SLC35D1: variants seen among roughly 807,000 people sequenced by gnomAD.
SLC35D1 encodes the protein nucleotide sugar transporter SLC35D1.
Under a neutral mutation model 46.7 loss-of-function variants are expected in SLC35D1, and 31 were observed. The ratio of observed to expected loss-of-function variants is 0.66; its 90% CI spans 0.50 to 0.90. The LOEUF (loss-of-function observed/expected upper bound fraction) is 0.90. Among genes scored for constraint, SLC35D1 ranks in the 40% least tolerant of loss-of-function variants. SLC35D1 has a pLI of 0.00. For missense variants in SLC35D1, 397 were observed against 426.2 expected (o/e 0.93, Z 0.60); for synonymous variants, 195 against 164.6 (o/e 1.18, Z -1.41).
intron 8 of SLC35D1, among the ~76,000 whole-genome samples, chr1:67,030,045 C>T (rs12091194): frequency 0.19 from 29,410 of 151,108 alleles, 5,299 homozygotes; most frequent in African/African-American, 0.49. Context: ...CAAGGCATAA[C>T]CCAGTAAGCC....
intron 8 of SLC35D1, chr1:67,032,055 C>G (rs796838019): frequency 1.0e-6 from 1 of 985,272 alleles, no homozygotes; most frequent in African/African-American, 1.7e-5. Flanking sequence ...CAGAACTAAA[C>G]AGGCTCTCTG....
At chr1:66,975,648 A>G in the SLC35D1 span, among the ~76,000 whole-genome samples, 1 of 152,338 alleles carries the variant, frequency 6.6e-6, no homozygotes, top group South Asian at 2.1e-4. Context: ...GCTAAGTAAC[A>G]AAAAGGAATT....
intron 8 of SLC35D1, 87 bp from the exon 9 acceptor site, chr1:67,021,689 CCTCCAA>C (rs199881087): frequency 1.7e-5 from 10 of 590,510 alleles, no homozygotes; most frequent in Admixed American, 1.1e-4. Context: ...TACGAGTCTG[CCTCCAA>C]CACAGACACA....
intron 1 of SLC35D1, among the ~76,000 whole-genome samples, chr1:67,053,436 C>T (rs1317746082): frequency 6.6e-6 from 1 of 152,188 alleles, no homozygotes; most frequent in African/African-American, 2.4e-5. Flanking sequence ...GTCCAGGCTG[C>T]GGAGGAGGGA....
chr1:67,039,521 G>GTGTGTGTGTGCA (rs56093986), intron 8 of SLC35D1, among the ~76,000 whole-genome samples: 6 of 150,930 alleles, frequency 4.0e-5, no homozygotes, highest in South Asian at 2.1e-4. Context: ...GTGTGTGTGT[G>GTGTGTGTGTGCA]CGCGCGTGGG....
the SLC35D1 span, chr1:66,985,167 GTTCA>G: frequency 9.9e-7 from 1 of 1,007,036 alleles, no homozygotes. Flanking sequence ...AATATCTTTA[GTTCA>G]TTCAGATTTA....
the SLC35D1 span, among the ~76,000 whole-genome samples, chr1:66,992,042 G>A: frequency 6.6e-6 from 1 of 152,320 alleles, no homozygotes; most frequent in Admixed American, 6.5e-5. Context: ...GTAGGTAATA[G>A]TACAGGTCTA....
chr1:67,053,040 T>C (rs1255756289), intron 1 of SLC35D1, 51 bp from the exon 2 acceptor site: 2 of 1,603,558 alleles, frequency 1.2e-6, no homozygotes, highest in African/African-American at 1.3e-5. Flanking sequence ...CTAACTTAGC[T>C]CCGTGAATTC....
the SLC35D1 span, among the ~76,000 whole-genome samples, chr1:66,990,004 A>C: frequency 1.3e-5 from 2 of 152,172 alleles, no homozygotes; most frequent in Admixed American, 1.3e-4. Context: ...TCTGCTTAGG[A>C]GCTAATAGTG....
chr1:67,009,003 T>C, intron 11 of SLC35D1, 82 bp downstream of exon 11: 1 of 694,514 alleles, frequency 1.4e-6, no homozygotes, highest in South Asian at 1.6e-5. Flanking sequence ...AATGTTCCAT[T>C]AATTTAATAG....
chr1:67,050,426 A>G lies in SLC35D1; in HGVS notation c.464+7T>C. 1 of 1,604,612 alleles carries G rather than the reference A, an allele frequency of 6.2e-7. No homozygotes were observed. Among genetic ancestry groups the G allele is most frequent in the Non-Finnish European group, 8.5e-7 (1 of 1,171,634 alleles). The stretch of plus-strand genomic sequence containing the variant: ...TAAAGAACAGATATATTAGAAACTT[A>G]GCTCACTTGAGTAAAACTCCTTCAG... On this transcript the variant is annotated splice_region_variant and intron_variant, in intron 5 of 11. Transcript: ENST00000235345.
chr1:66,997,517 AAAATAT>A (rs1211121141), downstream of SLC35D1, among the ~76,000 whole-genome samples: 2 of 24,164 alleles, frequency 8.3e-5, no homozygotes, highest in Non-Finnish European at 1.9e-4. Flanking sequence ...AAAAAAAAAA[AAAATAT>A]ATATATATAT....
intron 3 of SLC35D1, 86 bp downstream of exon 3, chr1:67,052,685 T>C: frequency 1.4e-6 from 2 of 1,436,782 alleles, no homozygotes; most frequent in Admixed American, 1.7e-5. Flanking sequence ...GAGGCTGCAA[T>C]TTTTAAATAC....
chr1:67,043,320 C>G lies in SLC35D1; in HGVS notation c.637-992G>C, dbSNP rs189328777. Among the ~76,000 whole-genome samples the G allele has an allele frequency of 3.9e-4, 60 of 151,962 alleles. 1 individual carries two copies. Among genetic ancestry groups the G allele is most frequent in the African/African-American group, 1.4e-3 (58 of 41,420 alleles). On this transcript the variant is annotated intron_variant, in intron 7 of 11. Transcript: ENST00000235345. ...GTTCAAGGCTGCAGTGAGCCAAGAACGAGATTGTGCCCCTGTACTCCAACC... is the reference window on the plus strand; with the variant it reads ...GTTCAAGGCTGCAGTGAGCCAAGAAGGAGATTGTGCCCCTGTACTCCAACC...
At position 67,054,126 on chromosome 1, in the gene SLC35D1, C is replaced by T. The variant is rs1231014771; in HGVS notation, c.-113G>A. Reference sequence around the variant, plus strand: ...GACCGCAGACTAGGCCAGCTGCGCGCTCGCCGCCTCGACTCCCCGCTTGGC... The same window carrying T: ...GACCGCAGACTAGGCCAGCTGCGCGTTCGCCGCCTCGACTCCCCGCTTGGC... On this transcript the variant is annotated 5_prime_UTR_variant, in exon 1 of 12. Coordinates refer to ENST00000235345, the MANE Select transcript of SLC35D1 (RefSeq NM_015139.3). 1 of 1,044,526 alleles carries T rather than the reference C, an allele frequency of 9.6e-7. No individual in the cohort carries two copies. The highest frequency in any genetic ancestry group is 1.4e-6 in the Non-Finnish European group (1 of 739,812). The allele number at this position is 1,044,526 out of a possible 1,614,324, so 64.7% of individuals were successfully genotyped here.
chr1:67,042,351 G>T (rs753364574), intron 7 of SLC35D1, 23 bp from the exon 8 acceptor site: 2 of 1,603,346 alleles, frequency 1.2e-6, no homozygotes, highest in African/African-American at 2.7e-5. Flanking sequence ...ATAATTAGGT[G>T]TTTCATCTGC....
chr1:67,015,449 G>GC (rs1410580503), intron 10 of SLC35D1, among the ~76,000 whole-genome samples: 1 of 151,980 alleles, frequency 6.6e-6, no homozygotes, highest in African/African-American at 2.4e-5. Flanking sequence ...GAGTGCAGTG[G>GC]CGTGATCTCA....
the SLC35D1 span, among the ~76,000 whole-genome samples, chr1:66,977,466 C>T: frequency 3.3e-5 from 5 of 152,116 alleles, no homozygotes; most frequent in Admixed American, 3.3e-4. Flanking sequence ...CTTTTCCTAG[C>T]TTTCCTGAAT....
At chr1:67,018,631 G>C (rs973192109) in intron 10 of SLC35D1, among the ~76,000 whole-genome samples, 2 of 152,106 alleles carry the variant, frequency 1.3e-5, no homozygotes, top group African/African-American at 4.8e-5. Context: ...GAGTCTATCT[G>C]GGTAGGCCTT....
Sources: gnomAD v4.1 joint callset for allele counts (sites outside exome capture counted in the v4.1 genomes callset) on GRCh38, gnomAD v4.1.1 for gene constraint, MANE v1.5 for transcripts, NCBI Gene and HGNC (gene_info 2026-07-23, HGNC 2026-07-21) for gene names.